The following AGBL1 variants were observed in gnomAD, a reference collection of about 807,000 sequenced individuals.
The protein encoded by AGBL1 is AGBL carboxypeptidase 1.
In AGBL1, 130 loss-of-function variants were observed where a neutral mutation model predicts 118.9. The ratio of observed to expected loss-of-function variants is 1.09; its 90% CI spans 0.95 to 1.26. The LOEUF (loss-of-function observed/expected upper bound fraction) is 1.26. Among genes scored for constraint, AGBL1 ranks in the 50% most tolerant of loss-of-function variants. The pLI is 0.00. For missense variants in AGBL1, 1,584 were observed against 1,298.1 expected, an observed-to-expected ratio of 1.22 and a Z score of -3.38; for synonymous variants, 555 against 478.9, an observed-to-expected ratio of 1.16 and a Z score of -2.08.
At chr15:86,687,299 C>G (rs978799897) in intron 22 of AGBL1, among the ~76,000 whole-genome samples, 4 of 152,120 alleles carry the variant, frequency 2.6e-5, no homozygotes, top group African/African-American at 9.7e-5. Context: ...GGCTGGAGAA[C>G]TTCTGAAGTA....
At chr15:86,446,581 C>T (rs1246662587) in intron 18 of AGBL1, among the ~76,000 whole-genome samples, 1 of 152,192 alleles carries the variant, frequency 6.6e-6, no homozygotes, top group Non-Finnish European at 1.5e-5. Flanking sequence ...TCAGAAGAAA[C>T]TTCCATTTAT....
chr15:86,616,674 A>G (rs1023694257), intron 21 of AGBL1, among the ~76,000 whole-genome samples: 5 of 152,182 alleles, frequency 3.3e-5, no homozygotes, highest in African/African-American at 1.2e-4. Flanking sequence ...AAATATTGTT[A>G]TACTTGGCTT....
intron 22 of AGBL1, among the ~76,000 whole-genome samples, chr15:86,798,996 A>T (rs1165000330): frequency 2.6e-5 from 4 of 151,972 alleles, no homozygotes; most frequent in East Asian, 1.9e-4. Flanking sequence ...TATTTGCCTG[A>T]GGTGAGTATT....
At chr15:86,165,578 G>T (rs898372067) in intron 5 of AGBL1, among the ~76,000 whole-genome samples, 10 of 152,106 alleles carry the variant, frequency 6.6e-5, no homozygotes, top group African/African-American at 2.4e-4. Flanking sequence ...TAGAAGAAAT[G>T]GATTTTTTTC....
intron 24 of AGBL1, among the ~76,000 whole-genome samples, chr15:87,018,642 A>G (rs1231223789): frequency 6.6e-6 from 1 of 151,490 alleles, no homozygotes; most frequent in Non-Finnish European, 1.5e-5. Flanking sequence ...AACTGTTACC[A>G]AAAGTATTTT....
intron 22 of AGBL1, among the ~76,000 whole-genome samples, chr15:86,814,487 C>T (rs950946176): frequency 2.6e-4 from 40 of 152,290 alleles, no homozygotes; most frequent in African/African-American, 9.1e-4. Flanking sequence ...TAATGTGTTA[C>T]AGATTTACAT....
At chr15:86,949,015 T>C (rs1464361679) in intron 23 of AGBL1, among the ~76,000 whole-genome samples, 1 of 152,112 alleles carries the variant, frequency 6.6e-6, no homozygotes, top group Non-Finnish European at 1.5e-5. Context: ...GTGTGGTCCA[T>C]ACAGCCTACA....
At chr15:86,763,093 A>G (rs1031304886) in intron 22 of AGBL1, among the ~76,000 whole-genome samples, 2 of 152,010 alleles carry the variant, frequency 1.3e-5, no homozygotes, top group East Asian at 1.9e-4. Flanking sequence ...TTGGAGTTGC[A>G]TTACTGTAAG....
chr15:86,235,137 G>A (rs905908535), intron 6 of AGBL1, among the ~76,000 whole-genome samples: 19 of 152,302 alleles, frequency 1.2e-4, no homozygotes, highest in East Asian at 1.9e-4. Context: ...TGGGCAATTT[G>A]CTGACCCCCT....
At chr15:86,855,176 T>C (rs2079460498) in intron 22 of AGBL1, among the ~76,000 whole-genome samples, 1 of 152,230 alleles carries the variant, frequency 6.6e-6, no homozygotes, top group Non-Finnish European at 1.5e-5. Flanking sequence ...TAGCATAAAT[T>C]ATATATATTC....
At chr15:86,845,705 G>A (rs1381471386) in intron 22 of AGBL1, among the ~76,000 whole-genome samples, 1 of 151,370 alleles carries the variant, frequency 6.6e-6, no homozygotes. Flanking sequence ...CTGCGCCCAG[G>A]GTTTTCTTGA....
At chr15:87,016,710 G>T (rs950541881) in intron 24 of AGBL1, among the ~76,000 whole-genome samples, 37 of 152,166 alleles carry the variant, frequency 2.4e-4, no homozygotes, top group African/African-American at 8.9e-4. Flanking sequence ...AGGATGGGGT[G>T]ATGGCCCACC....
At position 86,222,445 on chromosome 15, in the gene AGBL1, C is replaced by T. The variant is rs368988548; in HGVS notation, c.489-2469C>T. On this transcript the variant is annotated intron_variant, in intron 5 of 22. Transcript: ENST00000614907. ...TGACTCTTCACTCTCCTTCACCCTC[C>T]GCAGCTCACCTTTCCTCAGCTCTCG... Among the ~76,000 whole-genome samples the T allele has an allele frequency of 2.6e-5, 4 of 152,220 alleles. No individual in the cohort carries two copies. In the South Asian group the frequency reaches 6.2e-4, roughly 24 times the overall value.
chr15:86,656,144 C>A (rs1054453643), intron 21 of AGBL1, among the ~76,000 whole-genome samples: 11 of 152,168 alleles, frequency 7.2e-5, no homozygotes, highest in African/African-American at 9.7e-5. Flanking sequence ...GGACATATTT[C>A]TACTGGCCTT....
intron 18 of AGBL1, among the ~76,000 whole-genome samples, chr15:86,492,927 G>T (rs540174617): frequency 6.6e-6 from 1 of 152,002 alleles, no homozygotes; most frequent in Non-Finnish European, 1.5e-5. Context: ...ATAGGCTCAC[G>T]CCTGTAATCC....
At chr15:86,542,799 T>G (rs1446605022) in intron 19 of AGBL1, among the ~76,000 whole-genome samples, 1 of 152,222 alleles carries the variant, frequency 6.6e-6, no homozygotes, top group Non-Finnish European at 1.5e-5. Context: ...TAATTCTTCT[T>G]GTTCTGATGT....
At chr15:86,884,685 A>T (rs905472336) in intron 22 of AGBL1, among the ~76,000 whole-genome samples, 1 of 152,068 alleles carries the variant, frequency 6.6e-6, no homozygotes, top group African/African-American at 2.4e-5. Flanking sequence ...GGTGGTGTGC[A>T]CCTGTAATCC....
chr15:86,221,381 C>G (rs1323887714), intron 5 of AGBL1, among the ~76,000 whole-genome samples: 3 of 152,298 alleles, frequency 2.0e-5, no homozygotes, highest in Middle Eastern at 3.4e-3. Flanking sequence ...GTGGAAGTAA[C>G]TGAATGCCTT....
At chr15:86,522,965 C>A in intron 19 of AGBL1, 26 bp downstream of exon 19, 1 of 1,609,622 alleles carries the variant, frequency 6.2e-7, no homozygotes, top group Non-Finnish European at 8.5e-7. Flanking sequence ...CTGCCTCCAC[C>A]TTCCTGGCTG....
Sources: allele counts gnomAD v4.1 joint callset (sites outside exome capture counted in the v4.1 genomes callset), GRCh38; gene constraint gnomAD v4.1.1; transcripts MANE v1.5; gene names NCBI Gene and HGNC (gene_info 2026-07-23, HGNC 2026-07-21).